HERC4: variants seen among roughly 807,000 people sequenced by gnomAD.
HERC4 encodes HECT and RLD domain containing E3 ubiquitin protein ligase 4, also known as probable E3 ubiquitin-protein ligase HERC4.
Under a neutral mutation model 124.3 loss-of-function variants are expected in HERC4, and 28 were observed. The observed-to-expected ratio is 0.23, with a 90% confidence interval of 0.17 to 0.31. The LOEUF (loss-of-function observed/expected upper bound fraction) is 0.31, where lower values mean the gene tolerates loss of function less well. Among genes scored for constraint, HERC4 ranks in the 10% least tolerant of loss-of-function variants. The pLI is 1.00. For synonymous variants in HERC4, 407 were observed against 421.5 expected, an observed-to-expected ratio of 0.97 and a Z score of 0.42; for missense variants, 713 against 1,229.3, an observed-to-expected ratio of 0.58 and a Z score of 6.28.
intron 16 of HERC4, among the ~76,000 whole-genome samples, chr10:67,957,787 ACAGTT>A (rs2034238797): frequency 6.6e-6 from 1 of 152,120 alleles, no homozygotes; most frequent in African/African-American, 2.4e-5. Context: ...TAGTGATTAG[ACAGTT>A]CTTTATAGTC....
At chr10:67,956,113 T>G (rs2034125937) in intron 17 of HERC4, 1 of 152,230 alleles carries the variant, frequency 6.6e-6, no homozygotes, top group Non-Finnish European at 1.5e-5. Flanking sequence ...AGGTTTTTAA[T>G]TTTTTAAAAT....
chr10:67,939,536 TA>T, intron 21 of HERC4, 51 bp downstream of exon 21: 1 of 1,250,636 alleles, frequency 8.0e-7, no homozygotes, highest in Non-Finnish European at 1.1e-6. Flanking sequence ...ACACGGCTGT[TA>T]AATAAAAGAG....
At chr10:68,064,716 T>TA (rs2041213370) in intron 3 of HERC4, among the ~76,000 whole-genome samples, 1 of 152,088 alleles carries the variant, frequency 6.6e-6, no homozygotes, top group Non-Finnish European at 1.5e-5. Flanking sequence ...CTCACACCTG[T>TA]AATCCCAGCA....
chr10:67,970,452 C>T (rs1043201241), intron 15 of HERC4, among the ~76,000 whole-genome samples: 4 of 152,056 alleles, frequency 2.6e-5, no homozygotes, highest in African/African-American at 7.2e-5. Flanking sequence ...ACTAGCTGGC[C>T]GTGGTGGCAC....
At chr10:68,008,157 A>ACT (rs775370771) in intron 9 of HERC4, 3 of 151,132 alleles carry the variant, frequency 2.0e-5, no homozygotes, top group African/African-American at 4.9e-5. Context: ...TTTCCCTCTC[A>ACT]CTCTCTCTCT....
chr10:68,051,515 T>G (rs2040304417), intron 3 of HERC4, among the ~76,000 whole-genome samples: 1 of 150,902 alleles, frequency 6.6e-6, no homozygotes, highest in Non-Finnish European at 1.5e-5. Context: ...CAGCTAGTTT[T>G]TTTTTGGTTT....
At chr10:68,055,159 G>A (rs532314859) in intron 3 of HERC4, among the ~76,000 whole-genome samples, 45 of 152,192 alleles carry the variant, frequency 3.0e-4, no homozygotes, top group Non-Finnish European at 5.7e-4. Context: ...ACTTTTAAAA[G>A]GATCTCTAAC....
At chr10:67,959,362 T>C (rs2034352403) in intron 16 of HERC4, among the ~76,000 whole-genome samples, 1 of 152,134 alleles carries the variant, frequency 6.6e-6, no homozygotes, top group African/African-American at 2.4e-5. Context: ...CATAAAATGA[T>C]TGAGGCTTGA....
At chr10:67,973,660 G>C (rs979219658) in intron 15 of HERC4, among the ~76,000 whole-genome samples, 3 of 152,186 alleles carry the variant, frequency 2.0e-5, no homozygotes, top group African/African-American at 7.2e-5. Context: ...AAAGTCTCTA[G>C]ATAAGAATTC....
intron 7 of HERC4, among the ~76,000 whole-genome samples, chr10:68,027,707 G>T (rs2038975574): frequency 6.6e-6 from 1 of 152,110 alleles, no homozygotes; most frequent in South Asian, 2.1e-4. Context: ...TGGATCATTT[G>T]AGGACAGGAG....
rs145836352 is a variant in HERC4 at position 67,925,147 on chromosome 10, G to A, written c.2879C>T (p.Thr960Met). 21 of 1,605,448 alleles carry A rather than the reference G, an allele frequency of 1.3e-5. No individual in the cohort carries two copies. Among genetic ancestry groups the A allele is most frequent in the African/African-American group, 6.7e-5 (5 of 74,676 alleles). The change falls in exon 24 of 25, where the codon ACG (threonine) becomes ATG (methionine). Residue 960 changes from threonine (T) to methionine (M), a missense_variant. Thr to Met is a moderately conservative substitution (Grantham distance 81). Transcript: ENST00000373700. ...AAATACTTCCCAAAAAATTTTTATC[G>A]TAGGATGTTCTGCCCAATATTCCCC... ...YKGEYWAEHP[T>M]IKIFWEVFHE...
intron 3 of HERC4, among the ~76,000 whole-genome samples, chr10:68,061,142 A>G (rs1032020174): frequency 1.3e-5 from 2 of 152,180 alleles, no homozygotes; most frequent in African/African-American, 4.8e-5. Flanking sequence ...TATACAACTT[A>G]TAGTTAAAAT....
intron 6 of HERC4, among the ~76,000 whole-genome samples, chr10:68,033,565 A>T (rs1031488976): frequency 4.3e-4 from 65 of 152,322 alleles, no homozygotes; most frequent in African/African-American, 1.4e-3. Flanking sequence ...GTGAAGCCCA[A>T]CCAAAGATTA....
At chr10:68,070,476 G>C (rs2041514885) in intron 3 of HERC4, 2 of 171,928 alleles carry the variant, frequency 1.2e-5, no homozygotes, top group African/African-American at 2.4e-5. Flanking sequence ...CATTGTGGTG[G>C]GCGCCTGTAA....
intron 8 of HERC4, among the ~76,000 whole-genome samples, chr10:68,020,693 C>T (rs544508): frequency 0.38 from 57,201 of 149,202 alleles, 11,704 homozygotes; most frequent in East Asian, 0.84. Context: ...GGCGTGAACC[C>T]GGGAGGCGGA....
At chr10:68,054,917 TA>T (rs896460275) in intron 3 of HERC4, among the ~76,000 whole-genome samples, 5 of 152,250 alleles carry the variant, frequency 3.3e-5, no homozygotes, top group South Asian at 2.1e-4. Flanking sequence ...TATTTATTTT[TA>T]TTTTTTTATG....
intron 9 of HERC4, among the ~76,000 whole-genome samples, chr10:68,001,372 T>TTA (rs1554817060): frequency 3.9e-4 from 57 of 147,146 alleles, no homozygotes; most frequent in Admixed American, 1.4e-3. Context: ...ACCTTGTATT[T>TTA]AAAAAAAAAA....
At chr10:68,029,771 C>T (rs12778649) in intron 7 of HERC4, among the ~76,000 whole-genome samples, 2 of 147,646 alleles carry the variant, frequency 1.4e-5, no homozygotes, top group East Asian at 2.0e-4. Context: ...GACAGAGTCT[C>T]GCTGTCGACC....
intron 15 of HERC4, among the ~76,000 whole-genome samples, chr10:67,985,206 A>T (rs2036192171): frequency 6.6e-6 from 1 of 152,188 alleles, no homozygotes; most frequent in African/African-American, 2.4e-5. Context: ...CCATGCTGTA[A>T]CATAAAGACC....
Sources: allele counts gnomAD v4.1 joint callset (sites outside exome capture counted in the v4.1 genomes callset), GRCh38; gene constraint gnomAD v4.1.1; transcripts MANE v1.5; gene names NCBI Gene and HGNC (gene_info 2026-07-23, HGNC 2026-07-21).